The following KCNJ10 variants were observed in gnomAD, a reference collection of about 807,000 sequenced individuals.
KCNJ10 encodes the protein ATP-sensitive inward rectifier potassium channel 10.
A neutral mutation model predicts 22.2 loss-of-function variants in KCNJ10; 9 were observed. That is an observed-to-expected ratio of 0.40 (90% CI 0.24 to 0.71). The LOEUF (loss-of-function observed/expected upper bound fraction) is 0.71. Ranked by LOEUF, KCNJ10 falls within the 30% of genes least tolerant of loss-of-function variation. The probability of loss-of-function intolerance (pLI) is 0.35; values close to 1 mark genes in which losing one functional copy is unlikely to be tolerated. For synonymous variants in KCNJ10, 184 were observed against 187.3 expected, an observed-to-expected ratio of 0.98 and a Z score of 0.15; for missense variants, 337 against 482.7, an observed-to-expected ratio of 0.70 and a Z score of 2.83.
At chr1:160,059,172 G>A (rs189319552) in intron 1 of KCNJ10, among the ~76,000 whole-genome samples, 52 of 152,336 alleles carry the variant, frequency 3.4e-4, no homozygotes, top group Admixed American at 1.6e-3. Context: ...CGTAAGGGGT[G>A]CACTGCAAGT....
intron 1 of KCNJ10, among the ~76,000 whole-genome samples, chr1:160,059,443 C>G (rs1649130449): frequency 6.6e-6 from 1 of 152,182 alleles, no homozygotes; most frequent in Non-Finnish European, 1.5e-5. Flanking sequence ...TCTCTTCCTA[C>G]AAGATCCTTT....
intron 1 of KCNJ10, among the ~76,000 whole-genome samples, chr1:160,043,932 T>G (rs1383543472): frequency 5.3e-5 from 8 of 152,244 alleles, no homozygotes; most frequent in Non-Finnish European, 1.0e-4. Context: ...AGCAGGGTGA[T>G]CTCTGGGGAG....
intron 1 of KCNJ10, among the ~76,000 whole-genome samples, chr1:160,063,182 C>T (rs1649241906): frequency 6.6e-6 from 1 of 152,222 alleles, no homozygotes; most frequent in Non-Finnish European, 1.5e-5. Flanking sequence ...CATTAATGCC[C>T]TCAGCACCAC....
rs151323459 is a variant in KCNJ10 at position 160,066,055 on chromosome 1, G to A, written c.-1+3967C>T. Among the ~76,000 whole-genome samples the A allele has an allele frequency of 8.8e-3, 1,339 of 152,246 alleles. 26 individuals are homozygous for A. Among genetic ancestry groups the A allele is most frequent in the African/African-American group, 0.03 (1,260 of 41,526 alleles). On this transcript the variant is annotated intron_variant, in intron 1 of 1. Transcript: ENST00000644903. ...AGGATGAAGAATACAAGAGCGATAG[G>A]CAGGACCATGGGAGCAGGAATGAGA...
At position 160,049,675 on chromosome 1, in the gene KCNJ10, TTATATATATATATATATA is replaced by T. The variant is rs57790887; in HGVS notation, c.1-7161_1-7144del. Among the ~76,000 whole-genome samples the T allele has an allele frequency of 2.8e-3, 133 of 47,114 alleles. 3 individuals carry two copies. Among genetic ancestry groups the T allele is most frequent in the African/African-American group, 7.1e-3 (100 of 14,092 alleles). The allele number at this position is 47,114 out of a possible 152,430, so 30.9% of individuals were successfully genotyped here. ...AAGAAGGATCCAGCATTTTATTTATTTATATATATATATATATATATATATATATATATATATATATAT... is the reference window on the plus strand; with the variant it reads ...AAGAAGGATCCAGCATTTTATTTATTTATATATATATATATATATATATAT... On this transcript the variant is annotated intron_variant, in intron 1 of 1. Coordinates refer to ENST00000644903, the MANE Select transcript of KCNJ10 (RefSeq NM_002241.5).
chr1:160,069,572 T>A (rs891402538), intron 1 of KCNJ10, among the ~76,000 whole-genome samples: 2 of 152,008 alleles, frequency 1.3e-5, no homozygotes, highest in African/African-American at 4.8e-5. Context: ...ATGTGGGAAC[T>A]AGCGATCATG....
chr1:160,057,432 G>A (rs1649068319), intron 1 of KCNJ10, among the ~76,000 whole-genome samples: 1 of 152,290 alleles, frequency 6.6e-6, no homozygotes. Context: ...TCTAGCCCCA[G>A]AATTGAAGGG....
chr1:160,054,116 A>G (rs1290991023), intron 1 of KCNJ10, among the ~76,000 whole-genome samples: 1 of 152,154 alleles, frequency 6.6e-6, no homozygotes, highest in Non-Finnish European at 1.5e-5. Context: ...GAGAGGGAGG[A>G]GGACTTCCTG....
chr1:160,055,969 C>T (rs998128944), intron 1 of KCNJ10, among the ~76,000 whole-genome samples: 1 of 152,174 alleles, frequency 6.6e-6, no homozygotes, highest in Admixed American at 6.5e-5. Context: ...TCAGACTCAG[C>T]GTCCTGTCTC....
chr1:160,039,792 A>C lies in KCNJ10; in HGVS notation c.*1601T>G, dbSNP rs1419490338. ...TGTAACAATTGGCTGAGACCACCTT[A>C]AACTGCAACTTGACTTATAGTGGGA... On this transcript the variant is annotated 3_prime_UTR_variant, in exon 2 of 2. Transcript: ENST00000644903. 1 of 152,182 alleles carries C rather than the reference A, an allele frequency of 6.6e-6. No individual in the cohort carries two copies. Among genetic ancestry groups the C allele is most frequent in the African/African-American group, 2.4e-5 (1 of 41,430 alleles). The allele number at this position is 152,182 out of a possible 1,614,324, so 9.4% of individuals were successfully genotyped here. A position where few individuals can be genotyped will look rare whatever the true frequency, so the allele number is the denominator to read the frequency against.
In KCNJ10 at chr1:160,059,519, ACT is replaced by A. The variant is rs559301999; in HGVS notation, c.-1+10501_-1+10502del. 2.2e-3 allele frequency among the ~76,000 whole-genome samples: 330 copies of A among 150,690 alleles called. 2 individuals are homozygous for A. Among genetic ancestry groups the A allele is most frequent in the Middle Eastern group, 3.5e-3 (1 of 288 alleles). On this transcript the variant is annotated intron_variant, in intron 1 of 1. Transcript: ENST00000644903. ...CAACCTTGGAGCATTATCCACAGAA[ACT>A]CTTCCCCAGCCAACCACAGCCACAG...
At position 160,042,483 on chromosome 1, in the gene KCNJ10, C is replaced by T; in HGVS notation, c.50G>A (p.Ser17Asn). The T allele has an allele frequency of 1.2e-6, 2 of 1,614,172 alleles. No homozygotes were observed. The highest frequency in any genetic ancestry group is 1.7e-6 in the Non-Finnish European group (2 of 1,180,040). The change falls in exon 2 of 2, where the codon AGC becomes AAC. Residue 17 changes from serine to asparagine, a missense_variant. This residue lies in a region of KCNJ10 where 107 missense variants were observed against 135.2 expected (regional missense o/e 0.79). Transcript: ENST00000644903. ...TATCCCTGGGCCCATTAGGGGCCGG[C>T]TTTCTGTCTGAGTGGTCTGACTGTA... ...VYYSQTTQTE[S>N]RPLMGPGIRR...
intron 1 of KCNJ10, among the ~76,000 whole-genome samples, chr1:160,047,362 A>G (rs1219309021): frequency 6.6e-6 from 1 of 152,204 alleles, no homozygotes; most frequent in Non-Finnish European, 1.5e-5. Context: ...CAGCAGGTAC[A>G]GGGGAAAGAG....
intron 1 of KCNJ10, among the ~76,000 whole-genome samples, chr1:160,049,720 T>A (rs185260893): frequency 5.0e-4 from 62 of 122,922 alleles, no homozygotes; most frequent in African/African-American, 1.9e-3. Flanking sequence ...TATATATATA[T>A]GTTATCCTAA....
At position 160,039,787 on chromosome 1, in the gene KCNJ10, A is replaced by T. The variant is rs1648561730; in HGVS notation, c.*1606T>A. ...TAGCTTGTAACAATTGGCTGAGACC[A>T]CCTTAAACTGCAACTTGACTTATAG... On this transcript the variant is annotated 3_prime_UTR_variant, in exon 2 of 2. Coordinates refer to ENST00000644903, the MANE Select transcript of KCNJ10 (RefSeq NM_002241.5). 1 of 152,234 alleles carries T rather than the reference A, an allele frequency of 6.6e-6. No homozygotes were observed. Among genetic ancestry groups the T allele is most frequent in the East Asian group, 1.9e-4 (1 of 5,204 alleles). The allele number at this position is 152,234 out of a possible 1,614,324, so 9.4% of individuals were successfully genotyped here. A position where few individuals can be genotyped will look rare whatever the true frequency, so the allele number is the denominator to read the frequency against.
chr1:160,062,014 G>A (rs1649209452), intron 1 of KCNJ10, among the ~76,000 whole-genome samples: 1 of 151,948 alleles, frequency 6.6e-6, no homozygotes, highest in African/African-American at 2.4e-5. Context: ...ACCGAGAAGT[G>A]GGCAGGCTCT....
At chr1:160,051,364 A>G (rs896219844) in intron 1 of KCNJ10, among the ~76,000 whole-genome samples, 4 of 152,116 alleles carry the variant, frequency 2.6e-5, no homozygotes, top group African/African-American at 7.2e-5. Context: ...CCTACTGTAG[A>G]CCAGCACTTC....
At chr1:160,065,647 C>T (rs1317094081) in intron 1 of KCNJ10, among the ~76,000 whole-genome samples, 1 of 152,090 alleles carries the variant, frequency 6.6e-6, no homozygotes, top group African/African-American at 2.4e-5. Context: ...TCAGAGACTG[C>T]CTGGGATATG....
At chr1:160,058,158 A>G (rs1178665254) in intron 1 of KCNJ10, among the ~76,000 whole-genome samples, 1 of 152,238 alleles carries the variant, frequency 6.6e-6, no homozygotes, top group African/African-American at 2.4e-5. Flanking sequence ...GATGTTCTAC[A>G]TCACTTTTCC....
Sources: allele counts gnomAD v4.1 joint callset (sites outside exome capture counted in the v4.1 genomes callset), GRCh38; gene constraint gnomAD v4.1.1; regional missense constraint gnomAD v4.1.1; transcripts MANE v1.5; gene names NCBI Gene and HGNC (gene_info 2026-07-23, HGNC 2026-07-21).